Variants in MAP2K5 observed in about 807,000 individuals in gnomAD.
MAP2K5 encodes the protein dual specificity mitogen-activated protein kinase kinase 5.
MAP2K5 carries 49 observed loss-of-function variants against 83.1 expected under a neutral mutation model. That is an observed-to-expected ratio of 0.59 (90% CI 0.47 to 0.75). MAP2K5 has a LOEUF of 0.75. Ranked by LOEUF, MAP2K5 falls within the 30% of genes least tolerant of loss-of-function variation. MAP2K5 has a pLI of 0.00. For synonymous variants in MAP2K5, 202 were observed against 191.8 expected (o/e 1.05, Z -0.44); for missense variants, 457 against 557.5 (o/e 0.82, Z 1.82).
At position 67,681,791 on chromosome 15, in the gene MAP2K5, C is replaced by T. The variant is rs908616198; in HGVS notation, c.848-10688C>T. Among the ~76,000 whole-genome samples, 3 of 152,344 alleles carry T rather than the reference C, an allele frequency of 2.0e-5. No individual in the cohort carries two copies. In the South Asian group the frequency reaches 6.2e-4, roughly 32 times the overall value. Reference sequence around the variant, plus strand: ...GGACCCATAATTCCAGGCTTCAACACACCTCATTTGTATTTTCTTTGAGAA... The same window carrying T: ...GGACCCATAATTCCAGGCTTCAACATACCTCATTTGTATTTTCTTTGAGAA... On this transcript the variant is annotated intron_variant, in intron 13 of 21. Coordinates refer to ENST00000178640, the MANE Select transcript of MAP2K5 (RefSeq NM_145160.3).
intron 8 of MAP2K5, chr15:67,628,928 CA>C: frequency 2.6e-6 from 2 of 756,194 alleles, no homozygotes; most frequent in Admixed American, 1.7e-5. Context: ...ATAATGGAAG[CA>C]ATTTTGGAGG....
At chr15:67,566,252 G>A (rs184004394) in intron 3 of MAP2K5, among the ~76,000 whole-genome samples, 2 of 152,156 alleles carry the variant, frequency 1.3e-5, no homozygotes, top group East Asian at 3.9e-4. Context: ...TCGGCTCACT[G>A]CAACCTCCGC....
rs1449346826 is a variant in MAP2K5 at position 67,779,961 on chromosome 15, G to T, written c.1242+7209G>T. On this transcript the variant is annotated intron_variant, in intron 21 of 21. Transcript: ENST00000178640. The surrounding 1 kb of genome is among the most constrained non-coding windows in gnomAD (Gnocchi z 4.6). ...ACTAGAACTTTCTGTTATTTGGGTGGTGCCCTCAGCCTAAAAGAGCCTCCT... is the reference window on the plus strand; with the variant it reads ...ACTAGAACTTTCTGTTATTTGGGTGTTGCCCTCAGCCTAAAAGAGCCTCCT... Among the ~76,000 whole-genome samples, 2 of 152,078 alleles carry T rather than the reference G, an allele frequency of 1.3e-5. No individual in the cohort carries two copies. The highest frequency in any genetic ancestry group is 6.6e-5 in the Admixed American group (1 of 15,264).
Position 67,580,812 on chromosome 15 carries a change from T to C in MAP2K5, c.311T>C (p.Ile104Thr). 6.2e-7 allele frequency: 1 copy of C among 1,605,746 alleles called. No individual in the cohort carries two copies. The highest frequency in any genetic ancestry group is 8.5e-7 in the Non-Finnish European group (1 of 1,173,462). Residue 104 changes from isoleucine to threonine, a missense_variant, in exon 4 of 22, where the codon ATA (isoleucine) becomes ACA (threonine). Ile to Thr is a moderately conservative substitution (Grantham distance 89, BLOSUM62 -1). This residue lies in a region of MAP2K5 where 234 missense variants were observed against 243.6 expected (regional missense o/e 0.96). Coordinates refer to ENST00000178640, the MANE Select transcript of MAP2K5 (RefSeq NM_145160.3). ...VNGQLIEPLQ[I>T]FPRACKPPGE... ...GGACAGTTAATAGAGCCTCTGCAGA[T>C]ATTTCCAAGAGGTAATGTTGAGCAA...
rs757959619 is a variant in MAP2K5, at chr15:67,565,532, A to T, written c.252+2182A>T. ...CATGAGCCACTGTGCCCGGCCTGTCATCATCATTATTAAATTCTGAATAAT... is the reference window on the plus strand; with the variant it reads ...CATGAGCCACTGTGCCCGGCCTGTCTTCATCATTATTAAATTCTGAATAAT... On this transcript the variant is annotated intron_variant, in intron 3 of 21. Coordinates refer to ENST00000178640, the MANE Select transcript of MAP2K5 (RefSeq NM_145160.3). This position sits in a 1 kb window ranked among gnomAD's most constrained non-coding sequence, Gnocchi z 4.1. Among the ~76,000 whole-genome samples the T allele has an allele frequency of 6.6e-6, 1 of 151,702 alleles. No homozygotes were observed. Among genetic ancestry groups the T allele is most frequent in the Non-Finnish European group, 1.5e-5 (1 of 67,912 alleles).
intron 19 of MAP2K5, among the ~76,000 whole-genome samples, chr15:67,766,969 T>G (rs958615019): frequency 6.6e-6 from 1 of 152,186 alleles, no homozygotes; most frequent in African/African-American, 2.4e-5. Flanking sequence ...TATCTGGCAT[T>G]GTGCATGTGA....
intron 6 of MAP2K5, among the ~76,000 whole-genome samples, chr15:67,590,914 T>C (rs2085395234): frequency 6.6e-6 from 1 of 152,140 alleles, no homozygotes; most frequent in South Asian, 2.1e-4. Context: ...GAGTGGAGTA[T>C]ATAGAATACG....
intron 8 of MAP2K5, among the ~76,000 whole-genome samples, chr15:67,623,874 G>A (rs2086247251): frequency 6.6e-6 from 1 of 151,576 alleles, no homozygotes; most frequent in African/African-American, 2.4e-5. Context: ...TGGGATTACA[G>A]GTGTGAGCCA....
Position 67,562,169 on chromosome 15 carries a change from T to C in MAP2K5, c.185-1114T>C, listed in dbSNP as rs576060689. 3.3e-5 allele frequency among the ~76,000 whole-genome samples: 5 copies of C among 152,340 alleles called. No individual in the cohort carries two copies. The highest frequency in any genetic ancestry group is 6.5e-5 in the Admixed American group (1 of 15,300). On this transcript the variant is annotated intron_variant, in intron 2 of 21. Coordinates refer to ENST00000178640, the MANE Select transcript of MAP2K5 (RefSeq NM_145160.3). The surrounding 1 kb of genome is among the most constrained non-coding windows in gnomAD (Gnocchi z 4.1). ...CCCCTTGGGAGGCTCTGTACGTTGC[T>C]CCAGACGTTTTTGGCATTTCTTTCA...
In MAP2K5 at chr15:67,769,515, C is replaced by G; in HGVS notation, c.1135-87C>G. 8.7e-7 allele frequency: 1 copy of G among 1,145,170 alleles called. No homozygotes were observed. The highest frequency in any genetic ancestry group is 1.3e-6 in the Non-Finnish European group (1 of 760,534). 70.9% of individuals were successfully genotyped at this position (1,145,170 alleles called of 1,614,324 possible). ...TATTCTCATTGTATTCATCTTTATACTCATCCTTCACATGGGTGGGTGGGG... is the reference window on the plus strand; with the variant it reads ...TATTCTCATTGTATTCATCTTTATAGTCATCCTTCACATGGGTGGGTGGGG... On this transcript the variant is annotated intron_variant, in intron 19 of 21. Transcript: ENST00000178640. The surrounding 1 kb of genome is among the most constrained non-coding windows in gnomAD (Gnocchi z 5.2).
chr15:67,795,630 C>T (rs2090591841), intron 21 of MAP2K5, among the ~76,000 whole-genome samples: 1 of 152,164 alleles, frequency 6.6e-6, no homozygotes, highest in African/African-American at 2.4e-5. Flanking sequence ...TCCCTTAGAA[C>T]ATGGTCATTT....
At position 67,623,552 on chromosome 15, in the gene MAP2K5, C is replaced by G. The variant is rs145872700; in HGVS notation, c.546-7336C>G. On this transcript the variant is annotated intron_variant, in intron 8 of 21. Transcript: ENST00000178640. ...CTGCTCTTTAAGTCTGTTTTGGCAGCTTTCATTCTGAAATCACTCAGCCAG... is the reference window on the plus strand; with the variant it reads ...CTGCTCTTTAAGTCTGTTTTGGCAGGTTTCATTCTGAAATCACTCAGCCAG... 6.6e-5 allele frequency among the ~76,000 whole-genome samples: 10 copies of G among 151,136 alleles called. No homozygotes were observed. In the East Asian group the frequency reaches 1.9e-3, roughly 29 times the overall value.
At chr15:67,669,368 G>A (rs566627250) in intron 13 of MAP2K5, among the ~76,000 whole-genome samples, 66 of 152,208 alleles carry the variant, frequency 4.3e-4, no homozygotes, top group South Asian at 2.1e-3. Context: ...GGTAGGTTGC[G>A]TATTAATCAA....
In MAP2K5 at chr15:67,584,205, C is replaced by T. The variant is rs550361665; in HGVS notation, c.323-1685C>T. Among the ~76,000 whole-genome samples the T allele has an allele frequency of 1.3e-4, 20 of 152,272 alleles. No homozygotes were observed. The East Asian group carries it at 2.7e-3, about 21-fold the overall frequency. On this transcript the variant is annotated intron_variant, in intron 4 of 21. Coordinates refer to ENST00000178640, the MANE Select transcript of MAP2K5 (RefSeq NM_145160.3). ...ACTAGCTTTATAGTAATTCCTGACC[C>T]GATAACTTTAGGAAATATGAGGTTA...
At chr15:67,617,781 T>G (rs574479264) in intron 8 of MAP2K5, among the ~76,000 whole-genome samples, 1 of 152,304 alleles carries the variant, frequency 6.6e-6, no homozygotes, top group East Asian at 1.9e-4. Context: ...AGCATCAACC[T>G]CCCAGGCTCA....
chr15:67,785,268 A>G lies in MAP2K5; in HGVS notation c.1242+12516A>G, dbSNP rs950084305. Among the ~76,000 whole-genome samples the G allele has an allele frequency of 9.2e-5, 14 of 152,186 alleles. No individual in the cohort carries two copies. Among genetic ancestry groups the G allele is most frequent in the Non-Finnish European group, 2.1e-4 (14 of 68,042 alleles). Reference sequence around the variant, plus strand: ...CCCCGAACTGTTTCTTAAACACAGGAAGATAAGGAATTTGTGCCAGGATAT... The same window carrying G: ...CCCCGAACTGTTTCTTAAACACAGGGAGATAAGGAATTTGTGCCAGGATAT... On this transcript the variant is annotated intron_variant, in intron 21 of 21. Transcript: ENST00000178640. The surrounding 1 kb of genome is among the most constrained non-coding windows in gnomAD (Gnocchi z 4.4).
At chr15:67,704,904 C>T (rs753267891) in intron 16 of MAP2K5, among the ~76,000 whole-genome samples, 6 of 152,040 alleles carry the variant, frequency 3.9e-5, no homozygotes, top group Non-Finnish European at 7.4e-5. Context: ...GATAAGAATC[C>T]TAGATTGGGA....
intron 2 of MAP2K5, among the ~76,000 whole-genome samples, chr15:67,551,490 G>A (rs1335845039): frequency 6.6e-6 from 1 of 152,008 alleles, no homozygotes; most frequent in Non-Finnish European, 1.5e-5. Flanking sequence ...GCACCACTAT[G>A]CTTGGCTAAT....
Position 67,748,676 on chromosome 15 carries a change from A to G in MAP2K5, c.1134+75A>G. The G allele has an allele frequency of 1.5e-6, 2 of 1,350,738 alleles. No homozygotes were observed. The highest frequency in any genetic ancestry group is 1.2e-5 in the South Asian group (1 of 83,670). 83.7% of individuals were successfully genotyped at this position (1,350,738 alleles called of 1,614,324 possible). ...GTGGAAAGCTTATATTTTGTTTCCTAATGAAGCACAATGCCCAACATCCTT... is the reference window on the plus strand; with the variant it reads ...GTGGAAAGCTTATATTTTGTTTCCTGATGAAGCACAATGCCCAACATCCTT... On this transcript the variant is annotated intron_variant, in intron 19 of 21. Transcript: ENST00000178640. The surrounding 1 kb of genome is among the most constrained non-coding windows in gnomAD (Gnocchi z 4.0).
Sources: gnomAD v4.1 joint callset for allele counts (sites outside exome capture counted in the v4.1 genomes callset) on GRCh38, gnomAD v4.1.1 for gene constraint, gnomAD v4.1.1 regional missense constraint, Gnocchi (gnomAD v3.1) non-coding constraint, MANE v1.5 for transcripts, NCBI Gene and HGNC (gene_info 2026-07-23, HGNC 2026-07-21) for gene names.